CRTC1: variants seen among roughly 807,000 people sequenced by gnomAD.
CRTC1 encodes the protein CREB-regulated transcription coactivator 1.
CRTC1 carries 18 observed loss-of-function variants against 66.1 expected under a neutral mutation model. That is an observed-to-expected ratio of 0.27 (90% CI 0.19 to 0.40). The LOEUF (loss-of-function observed/expected upper bound fraction) is 0.40. Among genes scored for constraint, CRTC1 ranks in the 10% least tolerant of loss-of-function variants. The pLI, the probability that CRTC1 is intolerant of heterozygous loss-of-function variation, is 1.00. For synonymous variants in CRTC1, 416 were observed against 398.8 expected (o/e 1.04, Z -0.51); for missense variants, 669 against 887.9 (o/e 0.75, Z 3.13).
At chr19:18,727,647 G>A (rs367968195) in intron 1 of CRTC1, among the ~76,000 whole-genome samples, 3 of 150,544 alleles carry the variant, frequency 2.0e-5, no homozygotes, top group Admixed American at 6.7e-5. Flanking sequence ...AGAATGAGGC[G>A]ATCCGTCTAC....
rs1369314403 is a variant in CRTC1 at position 18,760,790 on chromosome 19, G to T, written c.886+562G>T. On this transcript the variant is annotated intron_variant, in intron 8 of 13. Transcript: ENST00000321949. The surrounding 1 kb of genome is among the most constrained non-coding windows in gnomAD (Gnocchi z 6.2). ...GCTCCCCCGGGACCCCCCTCCTGTG[G>T]CTGCACTGATTGCAGAGGTGTCCCC... 6.6e-6 allele frequency among the ~76,000 whole-genome samples: 1 copy of T among 151,944 alleles called. No individual in the cohort carries two copies. Among genetic ancestry groups the T allele is most frequent in the Non-Finnish European group, 1.5e-5 (1 of 67,962 alleles).
intron 1 of CRTC1, among the ~76,000 whole-genome samples, chr19:18,722,921 T>C (rs2053660051): frequency 6.6e-6 from 1 of 152,106 alleles, no homozygotes. Flanking sequence ...GGTTTGTCCA[T>C]GCTGTAGCAT....
At chr19:18,759,953 G>GTGCCCCCCC in intron 7 of CRTC1, 55 bp from the exon 8 acceptor site, 1 of 1,051,884 alleles carries the variant, frequency 9.5e-7, no homozygotes, top group Non-Finnish European at 1.4e-6. Flanking sequence ...CCCTGTCCCC[G>GTGCCCCCCC]CCGCCAGCCC....
Position 18,768,832 on chromosome 19 carries a change from G to A in CRTC1, c.1320+39G>A. 2 of 1,559,324 alleles carry A rather than the reference G, an allele frequency of 1.3e-6. No individual in the cohort carries two copies. Among genetic ancestry groups the A allele is most frequent in the Middle Eastern group, 2.3e-4 (1 of 4,352 alleles). On this transcript the variant is annotated intron_variant, in intron 10 of 13. Transcript: ENST00000321949. The surrounding 1 kb of genome is among the most constrained non-coding windows in gnomAD (Gnocchi z 5.6). ...GGGGTCCCTCGGGGCCTGACTGGGGGTCTTGTAGAGGACAGCCCGGGGGCT... is the reference window on the plus strand; with the variant it reads ...GGGGTCCCTCGGGGCCTGACTGGGGATCTTGTAGAGGACAGCCCGGGGGCT...
chr19:18,724,528 G>A (rs79231699), intron 1 of CRTC1, among the ~76,000 whole-genome samples: 14,452 of 151,772 alleles, frequency 0.095, 897 homozygotes, highest in East Asian at 0.26. Context: ...CTAGAGCCTG[G>A]AAGTCTAAAA....
intron 5 of CRTC1, among the ~76,000 whole-genome samples, chr19:18,753,207 T>G (rs1281980485): frequency 6.6e-6 from 1 of 150,588 alleles, no homozygotes; most frequent in Non-Finnish European, 1.5e-5. Context: ...ACCCGGGAGG[T>G]GGAGCTTGCA....
chr19:18,711,497 A>G (rs74461240), intron 1 of CRTC1, among the ~76,000 whole-genome samples: 4,511 of 152,286 alleles, frequency 0.03, 99 homozygotes, highest in Non-Finnish European at 0.048. Context: ...GTTAACTTAA[A>G]AGAAAAAAAA....
chr19:18,761,510 C>T (rs139501360), intron 8 of CRTC1, among the ~76,000 whole-genome samples: 74 of 152,378 alleles, frequency 4.9e-4, no homozygotes, highest in Admixed American at 2.0e-3. Flanking sequence ...TGCCTCTGCC[C>T]CAGGCTTGGA....
chr19:18,744,658 G>A (rs1037236074), intron 2 of CRTC1, among the ~76,000 whole-genome samples: 1 of 152,202 alleles, frequency 6.6e-6, no homozygotes, highest in Non-Finnish European at 1.5e-5. Context: ...ATCTCTGGAA[G>A]GAGATGAATT....
chr19:18,693,172 C>T (rs987201906), intron 1 of CRTC1, among the ~76,000 whole-genome samples: 12 of 151,142 alleles, frequency 7.9e-5, no homozygotes, highest in African/African-American at 1.5e-4. Context: ...GGGCAGATCA[C>T]GAGGTCAAGA....
chr19:18,755,121 T>C (rs1037303292), intron 6 of CRTC1, among the ~76,000 whole-genome samples: 1 of 151,942 alleles, frequency 6.6e-6, no homozygotes, highest in East Asian at 1.9e-4. Context: ...CCCGAGTAGT[T>C]GGGGTCACAG....
chr19:18,726,929 GAAAAA>G (rs57708407), intron 1 of CRTC1, among the ~76,000 whole-genome samples: 6 of 111,906 alleles, frequency 5.4e-5, no homozygotes, highest in South Asian at 3.0e-4. Context: ...CCGTCTTGGG[GAAAAA>G]AAAAAAAAAA....
At chr19:18,705,371 A>T (rs1204236292) in intron 1 of CRTC1, among the ~76,000 whole-genome samples, 2 of 152,158 alleles carry the variant, frequency 1.3e-5, no homozygotes, top group Non-Finnish European at 2.9e-5. Flanking sequence ...CCCATGCTGG[A>T]GTGCAGTGGC....
Position 18,749,829 on chromosome 19 carries a change from G to C in CRTC1, c.492G>C (p.Gln164His). 1 of 1,614,072 alleles carries C rather than the reference G, an allele frequency of 6.2e-7. No homozygotes were observed. Among genetic ancestry groups the C allele is most frequent in the Non-Finnish European group, 8.5e-7 (1 of 1,179,986 alleles). The stretch of plus-strand genomic sequence containing the variant: ...ACCAGAGCACAATGACGCCCACGCA[G>C]CCAGAATCCTTTAGCAGTGGGTCCC... The part of the protein sequence containing the change: ...ALHQSTMTPT[Q>H]PESFSSGSQD... Residue 164 changes from glutamine (Q) to histidine (H), a missense_variant, in exon 5 of 14, where the codon CAG becomes CAC. By Grantham distance (24) the Gln-to-His change is conservative. Coordinates refer to ENST00000321949, the MANE Select transcript of CRTC1 (RefSeq NM_015321.3).
At chr19:18,700,194 G>A (rs1351973740) in intron 1 of CRTC1, among the ~76,000 whole-genome samples, 6 of 152,296 alleles carry the variant, frequency 3.9e-5, no homozygotes, top group East Asian at 3.9e-4. Flanking sequence ...TGACGCCTCC[G>A]CTGGTCCCAG....
intron 1 of CRTC1, among the ~76,000 whole-genome samples, chr19:18,695,807 G>A (rs1265960512): frequency 1.3e-5 from 2 of 152,206 alleles, no homozygotes; most frequent in Admixed American, 1.3e-4. Context: ...AGAGCTTGCG[G>A]TGAGCCGAGA....
At chr19:18,714,418 C>T (rs894940499) in intron 1 of CRTC1, among the ~76,000 whole-genome samples, 2 of 152,138 alleles carry the variant, frequency 1.3e-5, no homozygotes, top group African/African-American at 4.8e-5. Context: ...AGCAATTCTC[C>T]TGCCTCAGCC....
At chr19:18,755,804 C>T (rs566004045) in intron 6 of CRTC1, among the ~76,000 whole-genome samples, 3 of 151,364 alleles carry the variant, frequency 2.0e-5, no homozygotes, top group Admixed American at 6.6e-5. Flanking sequence ...GAGCTTACTT[C>T]GTTGCCCAGG....
At chr19:18,770,906 GTA>G (rs1222887229) in intron 10 of CRTC1, among the ~76,000 whole-genome samples, 6 of 151,240 alleles carry the variant, frequency 4.0e-5, no homozygotes, top group Non-Finnish European at 7.4e-5. Flanking sequence ...GCATTTGTGG[GTA>G]TGTACGTTTG....
Sources: allele counts gnomAD v4.1 joint callset (sites outside exome capture counted in the v4.1 genomes callset), GRCh38; gene constraint gnomAD v4.1.1; non-coding constraint Gnocchi (gnomAD v3.1); transcripts MANE v1.5; gene names NCBI Gene and HGNC (gene_info 2026-07-23, HGNC 2026-07-21).